Variants in RELCH observed in about 807,000 individuals in gnomAD.
The protein encoded by RELCH is RAB11 binding and LisH domain, coiled-coil and HEAT repeat containing, also known as RAB11-binding protein RELCH.
In RELCH, 41 loss-of-function variants were observed where a neutral mutation model predicts 150.3. The ratio of observed to expected loss-of-function variants is 0.27; its 90% CI spans 0.21 to 0.35. RELCH has a LOEUF of 0.35. Among genes scored for constraint, RELCH ranks in the 10% least tolerant of loss-of-function variants. The pLI, the probability that RELCH is intolerant of heterozygous loss-of-function variation, is 1.00. For synonymous variants in RELCH, 478 were observed against 531.8 expected (o/e 0.90, Z 1.39); for missense variants, 1,092 against 1,467.8 (o/e 0.74, Z 4.18).
chr18:62,294,483 TC>T (rs1445951721), intron 27 of RELCH, among the ~76,000 whole-genome samples: 1 of 152,214 alleles, frequency 6.6e-6, no homozygotes, highest in African/African-American at 2.4e-5. Flanking sequence ...TGAGTTGTGT[TC>T]TTCTATTAAA....
Position 62,221,033 on chromosome 18 carries a change from C to A in RELCH, c.617-4C>A. 6.2e-7 allele frequency: 1 copy of A among 1,611,194 alleles called. No homozygotes were observed. The highest frequency in any genetic ancestry group is 1.1e-5 in the South Asian group (1 of 90,724). On this transcript the variant is annotated splice_region_variant and splice_polypyrimidine_tract_variant and intron_variant, in intron 2 of 28. Transcript: ENST00000644646. ...GTGTGTGTTTATTCCAAATCCCTGT[C>A]CAGTCCTGGAGTTTGAACTACGGAA...
At chr18:62,222,146 AT>A (rs2040917149) in intron 5 of RELCH, among the ~76,000 whole-genome samples, 1 of 152,014 alleles carries the variant, frequency 6.6e-6, no homozygotes, top group South Asian at 2.1e-4. Context: ...GAAGGCCATC[AT>A]TTTAAATCAA....
chr18:62,202,120 G>A (rs1212857872), intron 1 of RELCH, among the ~76,000 whole-genome samples: 5 of 152,170 alleles, frequency 3.3e-5, no homozygotes, highest in African/African-American at 1.2e-4. Flanking sequence ...GAGTTATAAA[G>A]TGAATTGTTA....
chr18:62,232,183 GT>G, intron 9 of RELCH, 148 bp from the exon 10 acceptor site: 1 of 582,028 alleles, frequency 1.7e-6, no homozygotes. Context: ...TGCTGCTGTT[GT>G]TGTTGTTGTT....
At chr18:62,208,771 G>C (rs560558795) in intron 1 of RELCH, among the ~76,000 whole-genome samples, 1 of 152,232 alleles carries the variant, frequency 6.6e-6, no homozygotes, top group Admixed American at 6.5e-5. Flanking sequence ...TTGGCTTTCT[G>C]TTCCTACGTT....
chr18:62,226,804 A>C (rs1458094722), intron 5 of RELCH, among the ~76,000 whole-genome samples: 1 of 152,144 alleles, frequency 6.6e-6, no homozygotes, highest in Non-Finnish European at 1.5e-5. Flanking sequence ...GGATACTGGA[A>C]AGTGTAAAAT....
chr18:62,207,321 T>A lies in RELCH; in HGVS notation c.527-3832T>A, dbSNP rs531154425. Among the ~76,000 whole-genome samples the A allele has an allele frequency of 4.6e-5, 7 of 152,372 alleles. No individual in the cohort carries two copies. The South Asian group carries it at 1.4e-3, about 32-fold the overall frequency. ...AGAGTTCATCCATTGTTGTAGCATG[T>A]TTCAATAGTTCCATCCTTTTTATTG... On this transcript the variant is annotated intron_variant, in intron 1 of 28. Transcript: ENST00000644646.
At chr18:62,219,559 A>G (rs2040717089) in intron 2 of RELCH, among the ~76,000 whole-genome samples, 2 of 151,496 alleles carry the variant, frequency 1.3e-5, no homozygotes, top group South Asian at 4.1e-4. Flanking sequence ...CTTACCTTAC[A>G]CACTGAATGT....
chr18:62,230,784 A>G (rs1438517449), intron 8 of RELCH, among the ~76,000 whole-genome samples: 3 of 152,078 alleles, frequency 2.0e-5, no homozygotes, highest in Admixed American at 2.0e-4. Context: ...AATTCCTCTC[A>G]GCAATATACC....
chr18:62,222,877 C>T (rs1371990990), intron 5 of RELCH, among the ~76,000 whole-genome samples: 1 of 151,444 alleles, frequency 6.6e-6, no homozygotes, highest in African/African-American at 2.4e-5. Flanking sequence ...AAAGTTATTT[C>T]CAAATAACGC....
chr18:62,227,187 A>C (rs2148407495), intron 5 of RELCH, 102 bp from the exon 6 acceptor site: 1 of 776,482 alleles, frequency 1.3e-6, no homozygotes, highest in South Asian at 1.9e-5. Flanking sequence ...ACACAGCAAA[A>C]CCGATCTTAA....
intron 2 of RELCH, among the ~76,000 whole-genome samples, chr18:62,216,223 G>T (rs927227125): frequency 1.3e-5 from 2 of 151,794 alleles, no homozygotes; most frequent in Non-Finnish European, 2.9e-5. Context: ...CTATGTGTTA[G>T]GTTTCTATGT....
intron 11 of RELCH, among the ~76,000 whole-genome samples, chr18:62,251,313 C>G (rs1170052270): frequency 6.6e-6 from 1 of 152,184 alleles, no homozygotes; most frequent in African/African-American, 2.4e-5. Context: ...GAAGGGTTTG[C>G]TTTTAATCTT....
chr18:62,263,711 A>G (rs540787991), intron 16 of RELCH, among the ~76,000 whole-genome samples: 12 of 152,124 alleles, frequency 7.9e-5, no homozygotes, highest in Non-Finnish European at 1.5e-4. Context: ...TTAGGACACA[A>G]TCATGAATAA....
chr18:62,201,679 A>C (rs2039455997), intron 1 of RELCH, among the ~76,000 whole-genome samples: 1 of 152,212 alleles, frequency 6.6e-6, no homozygotes, highest in African/African-American at 2.4e-5. Flanking sequence ...GTGGATGTTT[A>C]CAAAAACATT....
intron 27 of RELCH, among the ~76,000 whole-genome samples, chr18:62,297,203 G>C (rs1465602065): frequency 6.6e-6 from 1 of 152,158 alleles, no homozygotes; most frequent in Non-Finnish European, 1.5e-5. Flanking sequence ...GCTAGTTAAT[G>C]ATGGGACACC....
intron 11 of RELCH, 152 bp downstream of exon 11, chr18:62,245,028 A>C: frequency 1.7e-6 from 1 of 580,586 alleles, no homozygotes; most frequent in Non-Finnish European, 3.1e-6. Flanking sequence ...TCATGGATTC[A>C]CTCCTTCATG....
chr18:62,260,579 T>C (rs777945485), intron 15 of RELCH, among the ~76,000 whole-genome samples: 6 of 151,926 alleles, frequency 3.9e-5, no homozygotes, highest in South Asian at 4.1e-4. Flanking sequence ...TGAAAAGATA[T>C]ATACTTTCAA....
At chr18:62,225,395 A>T (rs1206216474) in intron 5 of RELCH, among the ~76,000 whole-genome samples, 1 of 152,046 alleles carries the variant, frequency 6.6e-6, no homozygotes, top group Non-Finnish European at 1.5e-5. Context: ...TTTTAAGTGA[A>T]TGAGAAGACC....
Sources: gnomAD v4.1 joint callset for allele counts (sites outside exome capture counted in the v4.1 genomes callset) on GRCh38, gnomAD v4.1.1 for gene constraint, MANE v1.5 for transcripts, NCBI Gene and HGNC (gene_info 2026-07-23, HGNC 2026-07-21) for gene names.